ARHGAP20: variants seen among roughly 807,000 people sequenced by gnomAD.
The protein encoded by ARHGAP20 is Rho GTPase activating protein 20, also known as rho GTPase-activating protein 20.
Under a neutral mutation model 73.7 loss-of-function variants are expected in ARHGAP20, and 34 were observed. That is an observed-to-expected ratio of 0.46 (90% CI 0.35 to 0.61). ARHGAP20 has a LOEUF of 0.61. Among genes scored for constraint, ARHGAP20 ranks in the 20% least tolerant of loss-of-function variants. The probability of loss-of-function intolerance (pLI) is 0.00; values close to 1 mark genes in which losing one functional copy is unlikely to be tolerated. For missense variants in ARHGAP20, 1,314 were observed against 1,420.9 expected (o/e 0.92, Z 1.21); for synonymous variants, 523 against 518.2 (o/e 1.01, Z -0.13).
rs564207878 is a variant in ARHGAP20, at chr11:110,593,976, T to C, written c.965-1821A>G. Among the ~76,000 whole-genome samples, 139 of 152,358 alleles carry C rather than the reference T, an allele frequency of 9.1e-4. 3 individuals are homozygous for C. In the South Asian group the frequency reaches 0.028, roughly 30 times the overall value. On this transcript the variant is annotated intron_variant, in intron 9 of 14. Coordinates refer to ENST00000683387, the MANE Select transcript of ARHGAP20 (RefSeq NM_001384657.1). ...AACTAAAACAGAGATGTTCCCAACA[T>C]TCCCTGATAATGAAATACTGAAGGA...
At chr11:110,610,914 G>A (rs1475415338) in intron 7 of ARHGAP20, among the ~76,000 whole-genome samples, 6 of 152,066 alleles carry the variant, frequency 3.9e-5, no homozygotes, top group Non-Finnish European at 7.4e-5. Flanking sequence ...GACTGATTGA[G>A]TCTTGGGATA....
intron 12 of ARHGAP20, 143 bp from the exon 13 acceptor site, chr11:110,583,880 C>CAAAGTGAGGACTGCCTGTACAGAA: frequency 3.3e-6 from 2 of 598,652 alleles, no homozygotes; most frequent in Non-Finnish European, 5.2e-6. Flanking sequence ...TGGTACCATA[C>CAAAGTGAGGACTGCCTGTACAGAA]AAAGTGAGGA....
chr11:110,660,755 T>G (rs1341295040), intron 2 of ARHGAP20, among the ~76,000 whole-genome samples: 2 of 152,214 alleles, frequency 1.3e-5, no homozygotes, highest in Non-Finnish European at 2.9e-5. Flanking sequence ...TTGCTATTCT[T>G]TTGAATGTCC....
chr11:110,705,191 G>A (rs34492997), intron 1 of ARHGAP20, among the ~76,000 whole-genome samples: 23,902 of 152,070 alleles, frequency 0.16, 1,933 homozygotes, highest in South Asian at 0.29. Context: ...CCAAGTCCTG[G>A]ATGGAAAGGT....
At chr11:110,669,818 T>C (rs113863788) in intron 2 of ARHGAP20, among the ~76,000 whole-genome samples, 58 of 152,232 alleles carry the variant, frequency 3.8e-4, no homozygotes, top group Middle Eastern at 3.4e-3. Flanking sequence ...ATTGAGAGGT[T>C]TGAAAGCATA....
intron 2 of ARHGAP20, among the ~76,000 whole-genome samples, chr11:110,631,559 G>C (rs984995637): frequency 3.3e-5 from 5 of 152,166 alleles, no homozygotes; most frequent in African/African-American, 7.2e-5. Context: ...CCCAGCACCT[G>C]CTGGCCACTG....
chr11:110,660,542 T>A (rs2135041540), intron 2 of ARHGAP20, among the ~76,000 whole-genome samples: 1 of 152,238 alleles, frequency 6.6e-6, no homozygotes, highest in East Asian at 1.9e-4. Flanking sequence ...TTTCTCTAGA[T>A]CCTGGGAGCA....
chr11:110,599,610 T>C (rs1348321471), intron 9 of ARHGAP20, among the ~76,000 whole-genome samples: 1 of 152,144 alleles, frequency 6.6e-6, no homozygotes, highest in Non-Finnish European at 1.5e-5. Flanking sequence ...AGGCTGCCAG[T>C]CCTGTGGACT....
At chr11:110,597,516 T>G (rs1180559445) in intron 9 of ARHGAP20, among the ~76,000 whole-genome samples, 1 of 152,134 alleles carries the variant, frequency 6.6e-6, no homozygotes, top group East Asian at 1.9e-4. Context: ...AGAGATGAGG[T>G]CTCACTATGT....
Position 110,699,863 on chromosome 11 carries a change from T to C in ARHGAP20, c.106-9234A>G, listed in dbSNP as rs113286650. Among the ~76,000 whole-genome samples, 415 of 152,128 alleles carry C rather than the reference T, an allele frequency of 2.7e-3. 1 individual carries two copies. Among genetic ancestry groups the C allele is most frequent in the African/African-American group, 9.4e-3 (392 of 41,548 alleles). On this transcript the variant is annotated intron_variant, in intron 1 of 14. Transcript: ENST00000683387. The stretch of plus-strand genomic sequence containing the variant: ...AAATTCTCAATAGTTGTGTATTAAG[T>C]GAATGAATTAACATATCCAATATCT...
At chr11:110,673,539 T>A (rs1375094896) in intron 2 of ARHGAP20, among the ~76,000 whole-genome samples, 2 of 152,202 alleles carry the variant, frequency 1.3e-5, no homozygotes, top group Non-Finnish European at 2.9e-5. Flanking sequence ...TTTAACTGAC[T>A]GCTTTATACT....
chr11:110,615,592 G>A lies in ARHGAP20; in HGVS notation c.506C>T (p.Ser169Phe). The change falls in exon 5 of 15, where the codon TCT (serine) becomes TTT (phenylalanine). Residue 169 changes from serine to phenylalanine, a missense_variant and splice_region_variant. Physicochemically the swap from Ser to Phe is radical, Grantham distance 155. Coordinates refer to ENST00000683387, the MANE Select transcript of ARHGAP20 (RefSeq NM_001384657.1). ...PTVNFVATFSSPEQKDKWLSL... is the reference protein window; with the variant it reads ...PTVNFVATFSFPEQKDKWLSL... Reference sequence around the variant, plus strand: ...GAGCCATTTGTCCTTTTGTTCTGGAGAACTGCAATCAAAGAAAATGGGAGA... The same window carrying A: ...GAGCCATTTGTCCTTTTGTTCTGGAAAACTGCAATCAAAGAAAATGGGAGA... 6.2e-7 allele frequency: 1 copy of A among 1,611,800 alleles called. No homozygotes were observed. Among genetic ancestry groups the A allele is most frequent in the South Asian group, 1.1e-5 (1 of 90,460 alleles).
intron 1 of ARHGAP20, among the ~76,000 whole-genome samples, chr11:110,693,221 G>C (rs1019472050): frequency 6.6e-6 from 1 of 151,890 alleles, no homozygotes; most frequent in Non-Finnish European, 1.5e-5. Context: ...CATCCAGCTT[G>C]ATTTATATTG....
In ARHGAP20 at chr11:110,579,768, C is replaced by T; in HGVS notation, c.3178G>A (p.Glu1060Lys). Residue 1060 changes from glutamate (E) to lysine (K), a missense_variant, in exon 15 of 15, where the codon GAG becomes AAG. By Grantham distance (56) the Glu-to-Lys change is moderately conservative. Around this residue, in one of 3 missense-constraint regions of ARHGAP20, gnomAD observed 641 missense variants for 636.9 expected, o/e 1.01. Transcript: ENST00000683387. ...TTTGGAGAAGCTATTTTCTCTTCCTCTGGTCTGGCTGCCTTTGCTTTCTTT... is the reference window on the plus strand; with the variant it reads ...TTTGGAGAAGCTATTTTCTCTTCCTTTGGTCTGGCTGCCTTTGCTTTCTTT... ...LKKKAKAARPEEEKIASPKGP... is the reference protein window; with the variant it reads ...LKKKAKAARPKEEKIASPKGP... 1 of 1,614,018 alleles carries T rather than the reference C, an allele frequency of 6.2e-7. No individual in the cohort carries two copies.
intron 4 of ARHGAP20, among the ~76,000 whole-genome samples, chr11:110,619,798 T>C (rs186972223): frequency 6.6e-5 from 10 of 152,118 alleles, no homozygotes; most frequent in Non-Finnish European, 1.2e-4. Context: ...TATGTAGTGA[T>C]AGAGTATATG....
intron 5 of ARHGAP20, 26 bp from the exon 6 acceptor site, chr11:110,614,671 AACAAC>A (rs1326901173): frequency 1.4e-6 from 2 of 1,471,536 alleles, no homozygotes; most frequent in African/African-American, 2.8e-5. Flanking sequence ...AGCAACCCAA[AACAAC>A]ACTGAGTCAG....
chr11:110,700,430 CTG>C (rs1950420894), intron 1 of ARHGAP20, among the ~76,000 whole-genome samples: 1 of 151,914 alleles, frequency 6.6e-6, no homozygotes, highest in Non-Finnish European at 1.5e-5. Flanking sequence ...TGTGGCTAGT[CTG>C]TGCAATTTCG....
chr11:110,639,434 T>C (rs1591335460), intron 2 of ARHGAP20, among the ~76,000 whole-genome samples: 1 of 151,670 alleles, frequency 6.6e-6, no homozygotes, highest in East Asian at 1.9e-4. Context: ...ACATGTAAAA[T>C]ATCCCATTGT....
At chr11:110,595,926 G>A (rs1947947178) in intron 9 of ARHGAP20, among the ~76,000 whole-genome samples, 7 of 151,954 alleles carry the variant, frequency 4.6e-5, no homozygotes, top group Admixed American at 4.6e-4. Context: ...AAACAGCATG[G>A]TACTGGTACC....
Sources: allele counts gnomAD v4.1 joint callset (sites outside exome capture counted in the v4.1 genomes callset), GRCh38; gene constraint gnomAD v4.1.1; regional missense constraint gnomAD v4.1.1; transcripts MANE v1.5; gene names NCBI Gene and HGNC (gene_info 2026-07-23, HGNC 2026-07-21).